The following PCLO variants were observed in gnomAD, a reference collection of about 807,000 sequenced individuals.
PCLO encodes protein piccolo.
Under a neutral mutation model 427.5 loss-of-function variants are expected in PCLO, and 82 were observed. The ratio of observed to expected loss-of-function variants is 0.19; its 90% CI spans 0.16 to 0.23. The LOEUF (loss-of-function observed/expected upper bound fraction) is 0.23, where lower values mean the gene tolerates loss of function less well. PCLO is among the 10% of genes least tolerant of loss of function. The pLI, the probability that PCLO is intolerant of heterozygous loss-of-function variation, is 1.00. For missense variants in PCLO, 6,239 were observed against 6,115.9 expected, an observed-to-expected ratio of 1.02 and a Z score of -0.67; for synonymous variants, 2,357 against 2,155.4, an observed-to-expected ratio of 1.09 and a Z score of -2.59.
chr7:82,914,677 C>T lies in PCLO; in HGVS notation c.13300+9G>A. ...TGAGAGTAACAGGGTAGTTTGAGGC[C>T]CAATTTACCTTCACTGTCTGACATG... On this transcript the variant is annotated intron_variant, in intron 7 of 24. Coordinates refer to ENST00000333891, the MANE Select transcript of PCLO (RefSeq NM_033026.6). 2.5e-6 allele frequency: 4 copies of T among 1,612,098 alleles called. No individual in the cohort carries two copies. Among genetic ancestry groups the T allele is most frequent in the Non-Finnish European group, 2.5e-6 (3 of 1,179,044 alleles).
chr7:82,841,279 A>G (rs1189157696), intron 14 of PCLO, among the ~76,000 whole-genome samples, 180 bp downstream of exon 14: 1 of 152,086 alleles, frequency 6.6e-6, no homozygotes, highest in Non-Finnish European at 1.5e-5. Flanking sequence ...CTATGATTGG[A>G]CTTCATAAAA....
intron 10 of PCLO, among the ~76,000 whole-genome samples, chr7:82,865,070 G>A (rs1217078161): frequency 6.6e-6 from 1 of 152,024 alleles, no homozygotes; most frequent in Admixed American, 6.6e-5. Context: ...CTTAAATAAA[G>A]AAGTATTACA....
At chr7:82,832,215 C>T (rs191777481) in intron 16 of PCLO, among the ~76,000 whole-genome samples, 45 of 152,214 alleles carry the variant, frequency 3.0e-4, no homozygotes, top group African/African-American at 1.0e-3. Context: ...CAAAAAATAT[C>T]TAAAACTTCA....
chr7:83,096,921 ATAAT>A (rs1790573081), intron 3 of PCLO, among the ~76,000 whole-genome samples: 1 of 59,710 alleles, frequency 1.7e-5, no homozygotes, highest in Non-Finnish European at 2.8e-5. Flanking sequence ...CTAAATATAT[ATAAT>A]ATAATATAAT....
At chr7:83,122,577 C>A (rs10261149) in intron 3 of PCLO, among the ~76,000 whole-genome samples, 2 of 152,052 alleles carry the variant, frequency 1.3e-5, no homozygotes, top group East Asian at 3.9e-4. Flanking sequence ...TGAGCCACTG[C>A]GCCTGGCCTA....
intron 3 of PCLO, among the ~76,000 whole-genome samples, chr7:83,017,559 T>G (rs968269231): frequency 6.6e-6 from 1 of 151,938 alleles, no homozygotes; most frequent in Admixed American, 6.6e-5. Flanking sequence ...AAGAAATCAA[T>G]GCAAAGAGAT....
At chr7:83,022,969 A>G (rs111309563) in intron 3 of PCLO, among the ~76,000 whole-genome samples, 9 of 152,224 alleles carry the variant, frequency 5.9e-5, no homozygotes. Context: ...AATATCATCT[A>G]TAAATGCATA....
chr7:82,844,598 C>T (rs953515937), intron 13 of PCLO, among the ~76,000 whole-genome samples: 6 of 151,988 alleles, frequency 3.9e-5, no homozygotes, highest in African/African-American at 9.7e-5. Flanking sequence ...ACACTTTTTT[C>T]GCATGTATTT....
chr7:83,035,369 T>C (rs1788768626), intron 3 of PCLO, among the ~76,000 whole-genome samples: 1 of 152,160 alleles, frequency 6.6e-6, no homozygotes, highest in Non-Finnish European at 1.5e-5. Flanking sequence ...GGGCTAGAGG[T>C]TATCTTGCAG....
chr7:83,136,301 T>C (rs749860163), intron 2 of PCLO, among the ~76,000 whole-genome samples: 3 of 152,156 alleles, frequency 2.0e-5, no homozygotes, highest in Non-Finnish European at 4.4e-5. Flanking sequence ...TTATGTGTTT[T>C]TTTAACAAGC....
rs747868278 is a variant in PCLO at position 83,155,886 on chromosome 7, G to A, written c.755C>T (p.Pro252Leu). The A allele has an allele frequency of 4.3e-6, 7 of 1,613,914 alleles. No homozygotes were observed. The highest frequency in any genetic ancestry group is 1.1e-5 in the South Asian group (1 of 91,088). The change falls in exon 2 of 25, where the codon CCA (proline) becomes CTA (leucine). Residue 252 changes from proline to leucine, a missense_variant. Transcript: ENST00000333891. ...ACCCTGAATTGGCTTTCCTGTACCT[G>A]GAGGTTGTGATTTAATTTTTTCTGG... ...QQPEKIKSQP[P>L]GTGKPIQGPT...
chr7:82,809,261 A>G (rs1490361729), intron 20 of PCLO, among the ~76,000 whole-genome samples: 2 of 151,728 alleles, frequency 1.3e-5, no homozygotes, highest in Non-Finnish European at 3.0e-5. Context: ...TTCCAAATAT[A>G]TCTCTTGTAA....
chr7:83,093,544 G>A (rs1009839456), intron 3 of PCLO, among the ~76,000 whole-genome samples: 1 of 136,634 alleles, frequency 7.3e-6, no homozygotes, highest in Non-Finnish European at 1.5e-5. Context: ...CCAGGATGGA[G>A]TGCAGTGGCG....
intron 20 of PCLO, chr7:82,821,826 ATATAT>A: frequency 1.0e-6 from 1 of 982,406 alleles, no homozygotes; most frequent in Non-Finnish European, 1.2e-6. Flanking sequence ...ATGCTTATAC[ATATAT>A]TAATTTAATG....
intron 1 of PCLO, among the ~76,000 whole-genome samples, chr7:83,158,574 C>T (rs1792356522): frequency 6.6e-6 from 1 of 151,706 alleles, no homozygotes; most frequent in African/African-American, 2.4e-5. Flanking sequence ...GAAAATACTA[C>T]TAAACTTATT....
At chr7:83,102,167 G>A (rs924186470) in intron 3 of PCLO, among the ~76,000 whole-genome samples, 1 of 151,898 alleles carries the variant, frequency 6.6e-6, no homozygotes, top group Non-Finnish European at 1.5e-5. Context: ...ATGTGCCTGT[G>A]AGAAATCAAG....
intron 3 of PCLO, among the ~76,000 whole-genome samples, chr7:83,075,118 A>C (rs886481627): frequency 1.6e-4 from 25 of 152,278 alleles, no homozygotes; most frequent in African/African-American, 5.8e-4. Context: ...TACTGTACTT[A>C]ACAAAATGTA....
intron 22 of PCLO, among the ~76,000 whole-genome samples, chr7:82,781,177 T>G (rs1466409598): frequency 6.8e-6 from 1 of 147,472 alleles, no homozygotes; most frequent in Non-Finnish European, 1.5e-5. Flanking sequence ...TTTATAAAAA[T>G]TCTTCATTTC....
intron 3 of PCLO, among the ~76,000 whole-genome samples, chr7:83,091,453 C>T (rs1040147044): frequency 6.6e-6 from 1 of 152,052 alleles, no homozygotes; most frequent in Non-Finnish European, 1.5e-5. Flanking sequence ...TTTGCCACTT[C>T]TATAAAGACT....
Sources: gnomAD v4.1 joint callset for allele counts (sites outside exome capture counted in the v4.1 genomes callset) on GRCh38, gnomAD v4.1.1 for gene constraint, MANE v1.5 for transcripts, NCBI Gene and HGNC (gene_info 2026-07-23, HGNC 2026-07-21) for gene names.